The following GCNT1 variants were observed in gnomAD, a reference collection of about 807,000 sequenced individuals.
GCNT1 encodes beta-1,3-galactosyl-O-glycosyl-glycoprotein beta-1,6-N-acetylglucosaminyltransferase.
Under a neutral mutation model 26.2 loss-of-function variants are expected in GCNT1, and 16 were observed. That is an observed-to-expected ratio of 0.61 (90% CI 0.41 to 0.93). The LOEUF is 0.93. Among genes scored for constraint, GCNT1 ranks in the 40% least tolerant of loss-of-function variants. The pLI is 0.00. For missense variants in GCNT1, 477 were observed against 526.7 expected (o/e 0.91, Z 0.92); for synonymous variants, 183 against 190.8 (o/e 0.96, Z 0.34).
rs1231879648 is a variant in GCNT1, at chr9:76,421,600, C to CA, written n.38+1735dup. The stretch of plus-strand genomic sequence containing the variant: ...TGGATGAGAGAGCAAGGCCCTGTCT[C>CA]AAAAAAAAAAAAAAAAAAAAAACCA... On this transcript the variant is annotated intron_variant and non_coding_transcript_variant, in intron 1 of 3. Transcript: ENST00000488136. Among the ~76,000 whole-genome samples, 529 of 56,536 alleles carry CA rather than the reference C, an allele frequency of 9.4e-3. 4 individuals are homozygous for CA. The highest frequency in any genetic ancestry group is 0.028 in the East Asian group (33 of 1,160). The allele number at this position is 56,536 out of a possible 152,430, so 37.1% of individuals were successfully genotyped here. A position where few individuals can be genotyped will look rare whatever the true frequency, so the allele number is the denominator to read the frequency against.
chr9:76,503,461 G>A lies in GCNT1; in HGVS notation c.1080G>A (p.Glu360=), dbSNP rs1286122525. 1 of 1,614,150 alleles carries A rather than the reference G, an allele frequency of 6.2e-7. No individual in the cohort carries two copies. Among genetic ancestry groups the A allele is most frequent in the East Asian group, 2.2e-5 (1 of 44,884 alleles). Residue 360 remains glutamate (E), a synonymous_variant, in exon 4 of 4, where the codon GAG becomes GAA. Transcript: ENST00000376730. ...VARFVKWQYF[E]GDVSKGAPYP... The stretch of plus-strand genomic sequence containing the variant: ...GGTTTGTCAAGTGGCAGTACTTTGA[G>A]GGTGATGTTTCCAAGGGTGCTCCCT...
At chr9:76,402,274 C>T in the GCNT1 span, among the ~76,000 whole-genome samples, 3 of 152,162 alleles carry the variant, frequency 2.0e-5, no homozygotes, top group Non-Finnish European at 2.9e-5. Flanking sequence ...ATCCAGTTTT[C>T]CTTCAACACT....
At chr9:76,405,417 C>T in the GCNT1 span, among the ~76,000 whole-genome samples, 7 of 152,148 alleles carry the variant, frequency 4.6e-5, no homozygotes, top group Admixed American at 3.9e-4. Flanking sequence ...CTGTAATTTA[C>T]ATGAGAGTTC....
At chr9:76,427,561 A>G (rs1033999409) in intron 1 of GCNT1, among the ~76,000 whole-genome samples, 10 of 152,210 alleles carry the variant, frequency 6.6e-5, no homozygotes, top group Admixed American at 6.5e-4. Flanking sequence ...AACCTTAGAA[A>G]GTGAATACAC....
intron 2 of GCNT1, among the ~76,000 whole-genome samples, chr9:76,489,800 T>C (rs1355607099): frequency 6.6e-6 from 1 of 152,216 alleles, no homozygotes; most frequent in Non-Finnish European, 1.5e-5. Context: ...ATGACCGCTC[T>C]AGCTAATTCC....
intron 2 of GCNT1, among the ~76,000 whole-genome samples, chr9:76,500,404 G>A (rs141403668): frequency 2.0e-5 from 3 of 152,258 alleles, no homozygotes; most frequent in African/African-American, 4.8e-5. Context: ...CATACTTTTT[G>A]TAGTGTTTTG....
chr9:76,485,145 A>AT (rs1027047161), intron 2 of GCNT1, among the ~76,000 whole-genome samples: 34 of 151,324 alleles, frequency 2.2e-4, no homozygotes, highest in African/African-American at 8.0e-4. Flanking sequence ...ACTCAATGGC[A>AT]TTTTTTCATA....
At chr9:76,492,475 G>A (rs1163723660) in intron 2 of GCNT1, among the ~76,000 whole-genome samples, 1 of 151,850 alleles carries the variant, frequency 6.6e-6, no homozygotes, top group African/African-American at 2.4e-5. Context: ...AGATTAACAC[G>A]AGAAAGCCGC....
intron 2 of GCNT1, among the ~76,000 whole-genome samples, chr9:76,473,516 A>C (rs1347069319): frequency 6.6e-6 from 1 of 152,250 alleles, no homozygotes; most frequent in Non-Finnish European, 1.5e-5. Flanking sequence ...TACATTGCCA[A>C]TATTAAGGGC....
intron 2 of GCNT1, among the ~76,000 whole-genome samples, chr9:76,493,406 T>G (rs777448474): frequency 1.3e-5 from 2 of 152,200 alleles, no homozygotes; most frequent in African/African-American, 4.8e-5. Context: ...TAGCATGACA[T>G]CTCTCCAAGT....
At chr9:76,480,185 G>A (rs377070267) in intron 2 of GCNT1, among the ~76,000 whole-genome samples, 1 of 152,110 alleles carries the variant, frequency 6.6e-6, no homozygotes, top group African/African-American at 2.4e-5. Context: ...TATTATTTCT[G>A]AGGGCTCTGT....
the GCNT1 span, among the ~76,000 whole-genome samples, chr9:76,397,650 G>A: frequency 6.6e-6 from 1 of 152,020 alleles, no homozygotes; most frequent in African/African-American, 2.4e-5. Context: ...CATCATGTTG[G>A]CCAGGCTGTT....
rs899969039 is a variant in GCNT1 at position 76,503,938 on chromosome 9, G to A, written c.*270G>A. 1.3e-5 allele frequency: 6 copies of A among 455,696 alleles called. No homozygotes were observed. The Admixed American group carries it at 1.4e-4, about 11-fold the overall frequency. The allele number at this position is 455,696 out of a possible 1,614,324, so 28.2% of individuals were successfully genotyped here. On this transcript the variant is annotated 3_prime_UTR_variant, in exon 4 of 4. Coordinates refer to ENST00000376730, the MANE Select transcript of GCNT1 (RefSeq NM_001490.5). ...AGGTAGCAAGGCATTGTGGAAAGAG[G>A]GGACCAGGGTGGCTGGGGAAGAGGC...
chr9:76,395,171 G>A, the GCNT1 span, among the ~76,000 whole-genome samples: 1 of 152,156 alleles, frequency 6.6e-6, no homozygotes, highest in East Asian at 1.9e-4. Flanking sequence ...CTGTAAATAC[G>A]CACGCTCCTA....
the GCNT1 span, among the ~76,000 whole-genome samples, chr9:76,396,048 C>T: frequency 4.4e-4 from 67 of 152,298 alleles, no homozygotes; most frequent in African/African-American, 1.6e-3. Context: ...ATATTTTTAA[C>T]TTCATCAGCA....
At chr9:76,427,194 A>T (rs960508324) in intron 1 of GCNT1, among the ~76,000 whole-genome samples, 1 of 125,572 alleles carries the variant, frequency 8.0e-6, no homozygotes, top group Non-Finnish European at 1.7e-5. Flanking sequence ...AATTCTGCCA[A>T]CACCTTTTTT....
chr9:76,410,205 G>A, the GCNT1 span, among the ~76,000 whole-genome samples: 1 of 152,130 alleles, frequency 6.6e-6, no homozygotes, highest in Non-Finnish European at 1.5e-5. Flanking sequence ...GCCGAGGTGG[G>A]TGGATCACCA....
intron 1 of GCNT1, among the ~76,000 whole-genome samples, chr9:76,446,962 G>A (rs191292567): frequency 4.6e-5 from 7 of 151,858 alleles, no homozygotes; most frequent in African/African-American, 1.2e-4. Context: ...TGAGGCCAAC[G>A]TGGCCAACAT....
the GCNT1 span, among the ~76,000 whole-genome samples, chr9:76,403,802 AG>A: frequency 6.6e-6 from 1 of 152,250 alleles, no homozygotes; most frequent in African/African-American, 2.4e-5. Flanking sequence ...ATGGAGAAAG[AG>A]AAAAAGGAGG....
Sources: gnomAD v4.1 joint callset for allele counts (sites outside exome capture counted in the v4.1 genomes callset) on GRCh38, gnomAD v4.1.1 for gene constraint, MANE v1.5 for transcripts, NCBI Gene and HGNC (gene_info 2026-07-23, HGNC 2026-07-21) for gene names.